The following GMPR variants were observed in gnomAD, a reference collection of about 807,000 sequenced individuals.
The protein encoded by GMPR is GMP reductase 1.
GMPR carries 31 observed loss-of-function variants against 38.4 expected under a neutral mutation model. The observed-to-expected ratio is 0.81, with a 90% CI of 0.61 to 1.09. GMPR has a LOEUF of 1.09. GMPR is among the 50% of genes least tolerant of loss of function. The pLI is 0.00. For missense variants in GMPR, 468 were observed against 453.7 expected, an observed-to-expected ratio of 1.03 and a Z score of -0.29; for synonymous variants, 162 against 173.3, an observed-to-expected ratio of 0.93 and a Z score of 0.51.
chr6:16,247,427 T>G (rs1758780397), intron 2 of GMPR, among the ~76,000 whole-genome samples: 1 of 151,168 alleles, frequency 6.6e-6, no homozygotes, highest in African/African-American at 2.4e-5. Flanking sequence ...CAGGCTGGAG[T>G]ACAGTGACGT....
intron 1 of GMPR, among the ~76,000 whole-genome samples, chr6:16,246,300 A>G (rs1002227756): frequency 6.6e-6 from 1 of 152,160 alleles, no homozygotes; most frequent in Non-Finnish European, 1.5e-5. Flanking sequence ...CAAAGGAACA[A>G]GTGTTGATAT....
intron 4 of GMPR, among the ~76,000 whole-genome samples, chr6:16,267,898 C>T (rs1304994723): frequency 2.0e-5 from 3 of 152,228 alleles, no homozygotes; most frequent in Non-Finnish European, 4.4e-5. Context: ...ATCTCCAGGG[C>T]GGGACCCTGA....
Position 16,290,553 on chromosome 6 carries a change from C to T in GMPR, c.789C>T (p.Leu263=). 1 of 1,614,048 alleles carries T rather than the reference C, an allele frequency of 6.2e-7. No homozygotes were observed. The highest frequency in any genetic ancestry group is 1.1e-5 in the South Asian group (1 of 91,086). ...GEVFERNGRK[L]KLFYGMSSDT... is the part of the protein sequence containing the mutation. ...TGTTTGAGAGGAACGGACGGAAGCT[C>T]AAGCTCTTCTACGGGATGAGCTCTG... Residue 263 remains leucine (L), a synonymous_variant, in exon 8 of 9, where the codon CTC becomes CTT. Coordinates refer to ENST00000259727, the MANE Select transcript of GMPR (RefSeq NM_006877.4).
chr6:16,248,823 T>G lies in GMPR; in HGVS notation c.208-1461T>G, dbSNP rs577708385. Among the ~76,000 whole-genome samples the G allele has an allele frequency of 8.5e-5, 13 of 152,344 alleles. No individual in the cohort carries two copies. In the South Asian group the frequency reaches 2.7e-3, roughly 32 times the overall value. On this transcript the variant is annotated intron_variant, in intron 2 of 8. Transcript: ENST00000259727. ...AGGGGAACCAGGGAGCAGTCAAGTCTGATTAATTCACATAATAGATTATAG... is the reference window on the plus strand; with the variant it reads ...AGGGGAACCAGGGAGCAGTCAAGTCGGATTAATTCACATAATAGATTATAG...
At chr6:16,244,210 CTTTT>C (rs760576826) in intron 1 of GMPR, among the ~76,000 whole-genome samples, 1 of 118,740 alleles carries the variant, frequency 8.4e-6, no homozygotes, top group Non-Finnish European at 1.8e-5. Context: ...TCTATTTGTA[CTTTT>C]TTTTTTTTTT....
intron 4 of GMPR, chr6:16,262,701 T>A (rs1759110333): frequency 1.3e-5 from 2 of 152,062 alleles, no homozygotes; most frequent in Non-Finnish European, 2.9e-5. Flanking sequence ...TAATAAAGTG[T>A]ATTTTGAGAA....
intron 4 of GMPR, among the ~76,000 whole-genome samples, chr6:16,263,570 G>A (rs1759128567): frequency 6.6e-6 from 1 of 151,558 alleles, no homozygotes; most frequent in Non-Finnish European, 1.5e-5. Context: ...AGGGGTTGGG[G>A]CGTGGAAATA....
At chr6:16,287,573 C>A (rs1482586136) in intron 7 of GMPR, among the ~76,000 whole-genome samples, 2 of 152,184 alleles carry the variant, frequency 1.3e-5, no homozygotes, top group Non-Finnish European at 2.9e-5. Flanking sequence ...TGGTTGGGAA[C>A]CCCCTCAAAG....
At chr6:16,269,239 C>T (rs1018873487) in intron 4 of GMPR, among the ~76,000 whole-genome samples, 1 of 151,876 alleles carries the variant, frequency 6.6e-6, no homozygotes, top group African/African-American at 2.4e-5. Flanking sequence ...AAAGTGGGTA[C>T]ATCCACCCCC....
In GMPR at chr6:16,293,193, G is replaced by A. The variant is rs372171309; in HGVS notation, c.858-1813G>A. 3.1e-3 allele frequency among the ~76,000 whole-genome samples: 470 copies of A among 152,262 alleles called. 30 individuals are homozygous for A. The South Asian group carries it at 0.094, about 31-fold the overall frequency. ...GGGAGGCAAAGTACCTTCATTTTAC[G>A]GATGAGCAGACTTAAGCATCAGCAA... On this transcript the variant is annotated intron_variant, in intron 8 of 8. Transcript: ENST00000259727.
intron 2 of GMPR, among the ~76,000 whole-genome samples, chr6:16,247,652 G>C (rs1758786091): frequency 6.6e-6 from 1 of 152,192 alleles, no homozygotes; most frequent in South Asian, 2.1e-4. Flanking sequence ...TGGGATTACA[G>C]GCATGAGTTA....
chr6:16,293,034 C>G (rs1231515617), intron 8 of GMPR, among the ~76,000 whole-genome samples: 2 of 152,108 alleles, frequency 1.3e-5, no homozygotes, highest in Non-Finnish European at 2.9e-5. Flanking sequence ...CTCTCTCTCT[C>G]TCTCTTAGTT....
At chr6:16,290,831 G>T (rs572593447) in intron 8 of GMPR, among the ~76,000 whole-genome samples, 5 of 152,308 alleles carry the variant, frequency 3.3e-5, no homozygotes, top group Non-Finnish European at 7.3e-5. Flanking sequence ...TTTGGTGATG[G>T]GTTGGAAGTG....
rs754760026 is a variant in GMPR, at chr6:16,274,461, C to T, written c.512C>T (p.Ser171Phe). ...GAAATGGTAGAAGAGCTTATTCTTTCCGGAGCAGATATCATCAAAGTGGGA... is the reference window on the plus strand; with the variant it reads ...GAAATGGTAGAAGAGCTTATTCTTTTCGGAGCAGATATCATCAAAGTGGGA... The part of the protein sequence containing the change: ...TGEMVEELIL[S>F]GADIIKVGVG... The change falls in exon 5 of 9, where the codon TCC (serine) becomes TTC (phenylalanine). Residue 171 changes from serine (S) to phenylalanine (F), a missense_variant. Ser to Phe is a radical substitution (Grantham distance 155, BLOSUM62 -2). Coordinates refer to ENST00000259727, the MANE Select transcript of GMPR (RefSeq NM_006877.4). 1 of 1,610,036 alleles carries T rather than the reference C, an allele frequency of 6.2e-7. No individual in the cohort carries two copies. Among genetic ancestry groups the T allele is most frequent in the Non-Finnish European group, 8.5e-7 (1 of 1,176,258 alleles).
At chr6:16,256,084 C>T (rs565499551) in intron 4 of GMPR, among the ~76,000 whole-genome samples, 3 of 151,540 alleles carry the variant, frequency 2.0e-5, no homozygotes, top group East Asian at 1.9e-4. Flanking sequence ...GCCGTGATGG[C>T]GGGTGCCTGT....
chr6:16,287,837 G>C lies in GMPR; in HGVS notation c.697+2002G>C, dbSNP rs1759718135. ...CTTTGCTTCCCTGAGTGCTAGAAAA[G>C]CTCGCCTTTCTGTCATGCTGAACTG... is the stretch of plus-strand genomic sequence containing the variant. On this transcript the variant is annotated intron_variant, in intron 7 of 8. Coordinates refer to ENST00000259727, the MANE Select transcript of GMPR (RefSeq NM_006877.4). Among the ~76,000 whole-genome samples the C allele has an allele frequency of 3.9e-5, 6 of 152,194 alleles. No homozygotes were observed. In the South Asian group the frequency reaches 1.2e-3, roughly 31 times the overall value.
rs1224785093 is a variant in GMPR, at chr6:16,246,857, A to G, written c.103A>G (p.Thr35Ala). 6.2e-7 allele frequency: 1 copy of G among 1,613,126 alleles called. No homozygotes were observed. Among genetic ancestry groups the G allele is most frequent in the Non-Finnish European group, 8.5e-7 (1 of 1,179,500 alleles). The change falls in exon 2 of 9, where the codon ACC becomes GCC. Residue 35 changes from threonine (T) to alanine (A), a missense_variant. Transcript: ENST00000259727. ...KSRAEVDLERTFTFRNSKQTY... is the reference protein window; with the variant it reads ...KSRAEVDLERAFTFRNSKQTY... ...TGGCCAACAGGTGGATCTTGAACGC[A>G]CCTTCACGTTTCGAAATTCAAAGCA...
chr6:16,284,249 A>C (rs1199655195), intron 6 of GMPR, among the ~76,000 whole-genome samples: 3 of 152,188 alleles, frequency 2.0e-5, no homozygotes, highest in Non-Finnish European at 4.4e-5. Context: ...ATAGTATTGG[A>C]GTTCTAGCTC....
At chr6:16,288,705 G>A (rs1759752283) in intron 7 of GMPR, among the ~76,000 whole-genome samples, 1 of 152,220 alleles carries the variant, frequency 6.6e-6, no homozygotes, top group Admixed American at 6.5e-5. Flanking sequence ...ACTGGATGAA[G>A]CCAGCTGGGC....
Sources: gnomAD v4.1 joint callset for allele counts (sites outside exome capture counted in the v4.1 genomes callset) on GRCh38, gnomAD v4.1.1 for gene constraint, MANE v1.5 for transcripts, NCBI Gene and HGNC (gene_info 2026-07-23, HGNC 2026-07-21) for gene names.